USP43: variants seen among roughly 807,000 people sequenced by gnomAD.
USP43 encodes the protein ubiquitin specific peptidase 43.
In USP43, 33 loss-of-function variants were observed where a neutral mutation model predicts 90.7. That is an observed-to-expected ratio of 0.36 (90% CI 0.28 to 0.49). The LOEUF (loss-of-function observed/expected upper bound fraction) is 0.49, where lower values mean the gene tolerates loss of function less well. Among genes scored for constraint, USP43 ranks in the 20% least tolerant of loss-of-function variants. The pLI, the probability that USP43 is intolerant of heterozygous loss-of-function variation, is 0.98. For missense variants in USP43, 1,274 were observed against 1,476.4 expected, an observed-to-expected ratio of 0.86 and a Z score of 2.25; for synonymous variants, 598 against 615.8, an observed-to-expected ratio of 0.97 and a Z score of 0.43.
intron 2 of USP43, among the ~76,000 whole-genome samples, chr17:9,658,477 G>A (rs1912418384): frequency 6.6e-6 from 1 of 152,110 alleles, no homozygotes; most frequent in South Asian, 2.1e-4. Context: ...AAGCCCAGGG[G>A]GGTCTGGTTT....
At chr17:9,690,196 T>C (rs1406108485) in intron 8 of USP43, among the ~76,000 whole-genome samples, 1 of 152,218 alleles carries the variant, frequency 6.6e-6, no homozygotes, top group African/African-American at 2.4e-5. Context: ...TCCTACCATG[T>C]GTCATTCCTC....
intron 14 of USP43, among the ~76,000 whole-genome samples, chr17:9,714,100 C>A (rs148409960): frequency 4.6e-5 from 7 of 152,162 alleles, no homozygotes; most frequent in Non-Finnish European, 1.0e-4. Context: ...GAATCTAATA[C>A]GCCTGCTGAT....
chr17:9,710,210 G>T (rs2654724), intron 13 of USP43, 96 bp downstream of exon 13: 197 of 1,297,570 alleles, frequency 1.5e-4, no homozygotes, highest in Middle Eastern at 3.0e-4. Flanking sequence ...AGGAGAGGTT[G>T]GCAAGGATCT....
Position 9,728,995 on chromosome 17 carries a change from G to C in USP43, c.*5G>C, listed in dbSNP as rs908500107. On this transcript the variant is annotated 3_prime_UTR_variant, in exon 15 of 15. Transcript: ENST00000285199. This position sits in a 1 kb window ranked among gnomAD's most constrained non-coding sequence, Gnocchi z 6.2. ...TTACCGGAGTCCAGCTTTTGATGGA[G>C]CGTGTCAGTATTGTGTGACGCTGGC... is the stretch of plus-strand genomic sequence containing the variant. 1 of 1,556,696 alleles carries C rather than the reference G, an allele frequency of 6.4e-7. No homozygotes were observed. Among genetic ancestry groups the C allele is most frequent in the Admixed American group, 1.9e-5 (1 of 54,016 alleles).
chr17:9,650,543 C>T (rs943327983), intron 1 of USP43, among the ~76,000 whole-genome samples: 4 of 152,112 alleles, frequency 2.6e-5, no homozygotes, highest in Non-Finnish European at 4.4e-5. Context: ...GCTGGGATTA[C>T]AGACATGCAC....
At chr17:9,720,990 A>G (rs80152079) in intron 14 of USP43, among the ~76,000 whole-genome samples, 1 of 152,216 alleles carries the variant, frequency 6.6e-6, no homozygotes, top group Admixed American at 6.5e-5. Flanking sequence ...GGTTATGATC[A>G]TCATAATAAT....
chr17:9,648,747 G>T (rs887860427), intron 1 of USP43, among the ~76,000 whole-genome samples: 4 of 152,116 alleles, frequency 2.6e-5, no homozygotes, highest in African/African-American at 9.7e-5. Context: ...TTCAATAAAT[G>T]AATAAAAGCC....
At chr17:9,720,238 A>C (rs1916861958) in intron 14 of USP43, among the ~76,000 whole-genome samples, 1 of 149,952 alleles carries the variant, frequency 6.7e-6, no homozygotes, top group South Asian at 2.2e-4. Context: ...AGGCAGGAGA[A>C]TCGCTTAAAC....
rs373395461 is a variant in USP43 at position 9,728,917 on chromosome 17, G to C, written c.3299G>C (p.Gly1100Ala). 12 of 1,611,570 alleles carry C rather than the reference G, an allele frequency of 7.4e-6. No homozygotes were observed. Among genetic ancestry groups the C allele is most frequent in the South Asian group, 2.2e-5 (2 of 90,832 alleles). The change falls in exon 15 of 15, where the codon GGC (glycine) becomes GCC (alanine). Residue 1100 changes from glycine (G) to alanine (A), a missense_variant. By Grantham distance (60) the Gly-to-Ala change is moderately conservative. Around this residue, in one of 6 missense-constraint regions of USP43, gnomAD observed 353 missense variants for 329.7 expected, o/e 1.07. Coordinates refer to ENST00000285199, the MANE Select transcript of USP43 (RefSeq NM_153210.5). The surrounding 1 kb of genome is among the most constrained non-coding windows in gnomAD (Gnocchi z 6.2). ...GTTCCAGGGGAGCAGGCTTCTTATGGCACCTTTCAGAGAGTCAAATATCAC... is the reference window on the plus strand; with the variant it reads ...GTTCCAGGGGAGCAGGCTTCTTATGCCACCTTTCAGAGAGTCAAATATCAC... ...RTVPGEQASY[G>A]TFQRVKYHTL...
intron 8 of USP43, among the ~76,000 whole-genome samples, chr17:9,690,856 G>A (rs540124472): frequency 5.3e-5 from 8 of 152,242 alleles, no homozygotes; most frequent in African/African-American, 1.9e-4. Flanking sequence ...CTGCATTCCA[G>A]CCTGGGTGAC....
intron 14 of USP43, among the ~76,000 whole-genome samples, chr17:9,726,960 G>A (rs1425498198): frequency 6.6e-6 from 1 of 152,078 alleles, no homozygotes; most frequent in Admixed American, 6.6e-5. Flanking sequence ...ACTGATGACT[G>A]AGAATTTCTT....
Position 9,686,773 on chromosome 17 carries a change from T to A in USP43, c.1242-25T>A, listed in dbSNP as rs767801663. ...GTTGCTGGTTTTTCCTTTGCTGGGA[T>A]AACCCGATTTCCTTGGATTTTCAGG... On this transcript the variant is annotated intron_variant, in intron 7 of 14. Transcript: ENST00000285199. This position sits in a 1 kb window ranked among gnomAD's most constrained non-coding sequence, Gnocchi z 5.5. 6.2e-7 allele frequency: 1 copy of A among 1,607,592 alleles called. No individual in the cohort carries two copies. The highest frequency in any genetic ancestry group is 1.3e-5 in the African/African-American group (1 of 74,802).
chr17:9,701,994 G>A lies in USP43; in HGVS notation c.2011+294G>A, dbSNP rs375431468. Among the ~76,000 whole-genome samples, 30 of 152,186 alleles carry A rather than the reference G, an allele frequency of 2.0e-4. No homozygotes were observed. Among genetic ancestry groups the A allele is most frequent in the Non-Finnish European group, 3.8e-4 (26 of 68,020 alleles). On this transcript the variant is annotated intron_variant, in intron 12 of 14. Transcript: ENST00000285199. The surrounding 1 kb of genome is among the most constrained non-coding windows in gnomAD (Gnocchi z 7.2). ...CAGGGCACGGTAGTGTGGCTGTCTC[G>A]CACCATGTGCGAGAGCAGAAGGGAC...
chr17:9,715,915 GTA>G (rs1396857446), intron 14 of USP43, among the ~76,000 whole-genome samples: 1 of 151,056 alleles, frequency 6.6e-6, no homozygotes, highest in East Asian at 2.0e-4. Context: ...ATGTATCTGT[GTA>G]TATGTGTCTG....
intron 1 of USP43, among the ~76,000 whole-genome samples, chr17:9,648,603 A>G (rs1473722450): frequency 6.6e-6 from 1 of 152,108 alleles, no homozygotes; most frequent in Non-Finnish European, 1.5e-5. Flanking sequence ...TTCCCTGGAG[A>G]GGTAACCAAC....
chr17:9,690,412 A>T (rs561883499), intron 8 of USP43, among the ~76,000 whole-genome samples: 28 of 152,232 alleles, frequency 1.8e-4, no homozygotes, highest in Non-Finnish European at 2.2e-4. Flanking sequence ...TTGATTTTTT[A>T]AAAAATTTTG....
intron 10 of USP43, 143 bp downstream of exon 10, chr17:9,700,392 C>A (rs747092565): frequency 7.6e-5 from 52 of 684,052 alleles, no homozygotes; most frequent in Non-Finnish European, 1.2e-4. Flanking sequence ...CTGTGAGATG[C>A]CTGAGTGAGA....
chr17:9,655,849 G>A (rs1597814954), intron 1 of USP43, among the ~76,000 whole-genome samples: 1 of 152,184 alleles, frequency 6.6e-6, no homozygotes, highest in African/African-American at 2.4e-5. Flanking sequence ...TTAGAAAGAG[G>A]CAGTAGAGGA....
intron 14 of USP43, among the ~76,000 whole-genome samples, chr17:9,720,830 A>C (rs1367560444): frequency 6.6e-6 from 1 of 152,126 alleles, no homozygotes; most frequent in Non-Finnish European, 1.5e-5. Flanking sequence ...GACTACTGGC[A>C]TTTATTCCCC....
Sources: gnomAD v4.1 joint callset for allele counts (sites outside exome capture counted in the v4.1 genomes callset) on GRCh38, gnomAD v4.1.1 for gene constraint, gnomAD v4.1.1 regional missense constraint, Gnocchi (gnomAD v3.1) non-coding constraint, MANE v1.5 for transcripts, NCBI Gene and HGNC (gene_info 2026-07-23, HGNC 2026-07-21) for gene names.